SLC2A14: variants seen among roughly 807,000 people sequenced by gnomAD.
SLC2A14 encodes the protein solute carrier family 2 member 14, also known as solute carrier family 2, facilitated glucose transporter member 14.
A neutral mutation model predicts 43.0 loss-of-function variants in SLC2A14; 13 were observed. That is an observed-to-expected ratio of 0.30 (90% CI 0.20 to 0.48). The LOEUF is 0.48. Ranked by LOEUF, SLC2A14 falls within the 20% of genes least tolerant of loss-of-function variation. The probability of loss-of-function intolerance (pLI) is 0.99; values close to 1 mark genes in which losing one functional copy is unlikely to be tolerated. For synonymous variants in SLC2A14, 190 were observed against 233.8 expected (o/e 0.81, Z 1.71); for missense variants, 428 against 620.4 (o/e 0.69, Z 3.29).
At chr12:7,863,088 C>T (rs1046433810) in intron 2 of SLC2A14, among the ~76,000 whole-genome samples, 17 of 152,136 alleles carry the variant, frequency 1.1e-4, no homozygotes, top group Non-Finnish European at 2.1e-4. Flanking sequence ...AATCTTGCTA[C>T]TGCTCACTTT....
chr12:7,851,045 G>A (rs1042322210), intron 2 of SLC2A14, among the ~76,000 whole-genome samples: 1 of 152,080 alleles, frequency 6.6e-6, no homozygotes, highest in Non-Finnish European at 1.5e-5. Context: ...AACACCCTTG[G>A]TACAACAGCA....
chr12:7,817,311 C>T (rs1236022314), intron 10 of SLC2A14, among the ~76,000 whole-genome samples: 1 of 152,064 alleles, frequency 6.6e-6, no homozygotes, highest in African/African-American at 2.4e-5. Context: ...GACAGGGTTT[C>T]TCCATGTTGG....
At chr12:7,877,415 A>G (rs1945481478), upstream of SLC2A14, among the ~76,000 whole-genome samples, 1 of 151,584 alleles carries the variant, frequency 6.6e-6, no homozygotes, top group African/African-American at 2.4e-5. Context: ...CTTAGGAGAG[A>G]GAGTACAAAA....
intron 2 of SLC2A14, among the ~76,000 whole-genome samples, chr12:7,858,065 G>A (rs1944345851): frequency 6.6e-6 from 1 of 151,900 alleles, no homozygotes; most frequent in South Asian, 2.1e-4. Context: ...CCCAGGAAGT[G>A]GAGGCTGGAA....
intron 2 of SLC2A14, among the ~76,000 whole-genome samples, chr12:7,851,309 C>A (rs1447326151): frequency 6.6e-6 from 1 of 152,142 alleles, no homozygotes; most frequent in African/African-American, 2.4e-5. Context: ...CTAACAAATA[C>A]TTCCTGACCA....
intron 1 of SLC2A14, among the ~76,000 whole-genome samples, chr12:7,890,333 T>G (rs1362183933): frequency 6.6e-6 from 1 of 152,046 alleles, no homozygotes; most frequent in Non-Finnish European, 1.5e-5. Context: ...TTTTCTCTCA[T>G]GCCTTTACCC....
rs145672386 is a variant in SLC2A14, at chr12:7,843,258, C to T, written c.19-10444G>A. 5.5e-3 allele frequency among the ~76,000 whole-genome samples: 802 copies of T among 146,890 alleles called. 2 individuals are homozygous for T. Among genetic ancestry groups the T allele is most frequent in the Middle Eastern group, 0.015 (4 of 270 alleles). On this transcript the variant is annotated intron_variant, in intron 2 of 10. Transcript: ENST00000431042. The stretch of plus-strand genomic sequence containing the variant: ...ATGAAGCGCATTAGACTGAGAATAG[C>T]TGCTGAGTAGAAAGCCGGTGGGAAA...
At chr12:7,830,102 A>T in intron 4 of SLC2A14, 96 bp from the exon 5 acceptor site, 3 of 1,472,298 alleles carry the variant, frequency 2.0e-6, no homozygotes, top group Non-Finnish European at 2.8e-6. Context: ...CTCCAGGCTT[A>T]TATCAACTCC....
intron 6 of SLC2A14, 143 bp downstream of exon 6, chr12:7,828,561 A>T: frequency 2.1e-6 from 2 of 931,178 alleles, no homozygotes; most frequent in Non-Finnish European, 3.2e-6. Context: ...AAAAAGAAAA[A>T]ACAAAGTAGA....
At chr12:7,829,330 C>T (rs1457465013) in intron 5 of SLC2A14, among the ~76,000 whole-genome samples, 7 of 151,864 alleles carry the variant, frequency 4.6e-5, no homozygotes, top group African/African-American at 9.7e-5. Flanking sequence ...GAGGCCGAGG[C>T]GGGTGGATCA....
intron 2 of SLC2A14, among the ~76,000 whole-genome samples, chr12:7,864,030 A>G (rs1028490876): frequency 2.6e-5 from 4 of 151,518 alleles, no homozygotes; most frequent in Admixed American, 6.6e-5. Context: ...GGTAGCCAGG[A>G]TGGTCTTGAT....
At chr12:7,888,542 G>A (rs939711042) in intron 1 of SLC2A14, among the ~76,000 whole-genome samples, 1 of 152,080 alleles carries the variant, frequency 6.6e-6, no homozygotes. Flanking sequence ...GCTCACACCT[G>A]TAATCCTAGC....
At chr12:7,832,698 T>C in intron 3 of SLC2A14, 24 bp downstream of exon 3, 1 of 1,610,234 alleles carries the variant, frequency 6.2e-7, no homozygotes, top group South Asian at 1.1e-5. Flanking sequence ...TTCCAGATTC[T>C]AATTCTTGTG....
chr12:7,858,658 C>T (rs764330674), intron 2 of SLC2A14, among the ~76,000 whole-genome samples: 98 of 152,140 alleles, frequency 6.4e-4, no homozygotes, highest in African/African-American at 2.3e-3. Flanking sequence ...TGCCACCACA[C>T]CCTGCTAATT....
chr12:7,844,446 C>CT (rs1337137333), intron 2 of SLC2A14, among the ~76,000 whole-genome samples: 1 of 152,136 alleles, frequency 6.6e-6, no homozygotes, highest in Non-Finnish European at 1.5e-5. Context: ...CTGATATTTG[C>CT]TGAATGTATG....
chr12:7,846,742 CTG>C, intron 2 of SLC2A14, among the ~76,000 whole-genome samples: 1 of 121,216 alleles, frequency 8.2e-6, no homozygotes, highest in Admixed American at 1.0e-4. Context: ...AGCGATTCTC[CTG>C]CCTCAGCCTC....
At chr12:7,871,278 G>C in intron 1 of SLC2A14, 1 of 1,167,944 alleles carries the variant, frequency 8.6e-7, no homozygotes, top group Non-Finnish European at 1.1e-6. Flanking sequence ...AAGTGGATGA[G>C]ATGTACTGGG....
At chr12:7,871,295 C>T in intron 1 of SLC2A14, 2 of 1,117,676 alleles carry the variant, frequency 1.8e-6, no homozygotes, top group Non-Finnish European at 2.2e-6. Flanking sequence ...TGGGAGGCAC[C>T]CATTGATAAA....
intron 1 of SLC2A14, among the ~76,000 whole-genome samples, chr12:7,883,623 T>G (rs1483951495): frequency 8.4e-6 from 1 of 119,556 alleles, no homozygotes; most frequent in Non-Finnish European, 1.7e-5. Flanking sequence ...TGAGACGGGG[T>G]CTCTCTCTGT....
Sources: gnomAD v4.1 joint callset for allele counts (sites outside exome capture counted in the v4.1 genomes callset) on GRCh38, gnomAD v4.1.1 for gene constraint, MANE v1.5 for transcripts, NCBI Gene and HGNC (gene_info 2026-07-23, HGNC 2026-07-21) for gene names.